The following NRG1 variants were observed in gnomAD, a reference collection of about 807,000 sequenced individuals.
NRG1 encodes the protein pro-neuregulin-1, membrane-bound isoform.
Under a neutral mutation model 63.8 loss-of-function variants are expected in NRG1, and 18 were observed. That is an observed-to-expected ratio of 0.28 (90% CI 0.19 to 0.42). NRG1 has a LOEUF of 0.42. Among genes scored for constraint, NRG1 ranks in the 10% least tolerant of loss-of-function variants. The pLI, the probability that NRG1 is intolerant of heterozygous loss-of-function variation, is 1.00. For missense variants in NRG1, 762 were observed against 814.7 expected, an observed-to-expected ratio of 0.94 and a Z score of 0.79; for synonymous variants, 302 against 301.3, an observed-to-expected ratio of 1.00 and a Z score of -0.02.
chr8:32,209,764 TCCTTCCTTCCTTCTTA>T (rs1398313257), intron 1 of NRG1, among the ~76,000 whole-genome samples: 52 of 143,194 alleles, frequency 3.6e-4, no homozygotes, highest in African/African-American at 1.3e-3. Context: ...CTTCCTTCCT[TCCTTCCTTCCTTCTTA>T]CTTTCTTTCT....
At chr8:32,492,943 A>G (rs147421875) in intron 1 of NRG1, among the ~76,000 whole-genome samples, 1 of 152,308 alleles carries the variant, frequency 6.6e-6, no homozygotes, top group African/African-American at 2.4e-5. Context: ...TTCTGAAACC[A>G]TAGTGTCATA....
At chr8:31,878,362 T>C (rs1006243648) in intron 1 of NRG1, among the ~76,000 whole-genome samples, 1 of 152,194 alleles carries the variant, frequency 6.6e-6, no homozygotes, top group Non-Finnish European at 1.5e-5. Context: ...TCATAGATGA[T>C]GTAACTTATT....
chr8:32,613,323 T>C (rs1447950542), intron 3 of NRG1, among the ~76,000 whole-genome samples: 2 of 152,066 alleles, frequency 1.3e-5, no homozygotes, highest in East Asian at 3.9e-4. Context: ...TTCTTAAACA[T>C]TGCTGCTGAG....
intron 1 of NRG1, among the ~76,000 whole-genome samples, chr8:32,536,601 G>A (rs539623296): frequency 6.6e-6 from 1 of 152,146 alleles, no homozygotes; most frequent in East Asian, 1.9e-4. Flanking sequence ...TGTACCAGGG[G>A]ACAGGAGTCT....
intron 1 of NRG1, among the ~76,000 whole-genome samples, chr8:32,016,759 T>A (rs1245655329): frequency 6.6e-6 from 1 of 152,128 alleles, no homozygotes; most frequent in Non-Finnish European, 1.5e-5. Context: ...AAGGCCCGAT[T>A]CTATGAATAG....
intron 1 of NRG1, among the ~76,000 whole-genome samples, chr8:32,314,864 A>G (rs540749949): frequency 4.6e-5 from 7 of 152,220 alleles, no homozygotes; most frequent in South Asian, 2.1e-4. Flanking sequence ...CAGTTGTTCC[A>G]TCAAACACTG....
chr8:32,122,689 A>G (rs1833611782), intron 1 of NRG1, among the ~76,000 whole-genome samples: 1 of 151,770 alleles, frequency 6.6e-6, no homozygotes, highest in South Asian at 2.1e-4. Flanking sequence ...TTACTTACAT[A>G]TGTATACATG....
At chr8:32,721,985 T>G (rs1330777822) in intron 5 of NRG1, 2 of 1,546,098 alleles carry the variant, frequency 1.3e-6, no homozygotes, top group Non-Finnish European at 1.7e-6. Context: ...TTAACTGGAC[T>G]TCAAAGAGCA....
chr8:32,172,082 T>A (rs1840126383), intron 1 of NRG1, among the ~76,000 whole-genome samples: 1 of 152,278 alleles, frequency 6.6e-6, no homozygotes, highest in East Asian at 1.9e-4. Context: ...GTAGCCTAAC[T>A]GGGAGGCACC....
At chr8:31,920,517 T>G (rs1371083081) in intron 1 of NRG1, among the ~76,000 whole-genome samples, 1 of 152,164 alleles carries the variant, frequency 6.6e-6, no homozygotes, top group East Asian at 1.9e-4. Context: ...GACTCTGATG[T>G]AACCTGGTTT....
chr8:32,473,053 G>C (rs1170086644), intron 1 of NRG1, among the ~76,000 whole-genome samples: 5 of 152,178 alleles, frequency 3.3e-5, no homozygotes, highest in Non-Finnish European at 5.9e-5. Context: ...TGAAGTCTTT[G>C]CTAGAGTTAG....
At chr8:32,166,652 G>T (rs1415904514) in intron 1 of NRG1, among the ~76,000 whole-genome samples, 1 of 152,192 alleles carries the variant, frequency 6.6e-6, no homozygotes, top group African/African-American at 2.4e-5. Flanking sequence ...GACCTCCCCT[G>T]ATGGTAACAG....
intron 1 of NRG1, among the ~76,000 whole-genome samples, chr8:32,335,757 A>G (rs1478038486): frequency 6.6e-6 from 1 of 152,160 alleles, no homozygotes; most frequent in Non-Finnish European, 1.5e-5. Context: ...GGGCCCTGTC[A>G]TAACACTTCC....
chr8:32,646,296 A>G (rs933017560), intron 5 of NRG1, among the ~76,000 whole-genome samples: 1 of 152,192 alleles, frequency 6.6e-6, no homozygotes, highest in Non-Finnish European at 1.5e-5. Flanking sequence ...ACAAAGTCTT[A>G]CATAGTCATT....
chr8:31,807,798 T>G (rs1306783777), intron 1 of NRG1, among the ~76,000 whole-genome samples: 1 of 152,206 alleles, frequency 6.6e-6, no homozygotes, highest in Non-Finnish European at 1.5e-5. Flanking sequence ...TGAATTTGAA[T>G]ATTTTCATAG....
intron 1 of NRG1, among the ~76,000 whole-genome samples, chr8:32,522,854 G>A (rs1418232987): frequency 1.3e-5 from 2 of 149,226 alleles, no homozygotes; most frequent in Non-Finnish European, 3.0e-5. Flanking sequence ...CACCTAGGCT[G>A]GACTGCAGTG....
intron 1 of NRG1, among the ~76,000 whole-genome samples, chr8:32,402,125 C>T (rs1301077929): frequency 6.6e-6 from 1 of 152,170 alleles, no homozygotes; most frequent in East Asian, 1.9e-4. Context: ...GTTGGCCAGG[C>T]TTGTCTCAAA....
intron 1 of NRG1, among the ~76,000 whole-genome samples, chr8:32,550,910 C>G (rs1833979929): frequency 1.3e-5 from 2 of 152,094 alleles, no homozygotes; most frequent in Admixed American, 1.3e-4. Flanking sequence ...AGATTATAAT[C>G]TTTTTTGGGG....
chr8:32,547,617 ACACACACACG>A (rs1177975186), upstream of NRG1, among the ~76,000 whole-genome samples: 2 of 127,004 alleles, frequency 1.6e-5, no homozygotes, highest in Non-Finnish European at 3.4e-5. Flanking sequence ...ACACACACAC[ACACACACACG>A]CACACGGCGC....
Sources: allele counts gnomAD v4.1 joint callset (sites outside exome capture counted in the v4.1 genomes callset), GRCh38; gene constraint gnomAD v4.1.1; transcripts MANE v1.5; gene names NCBI Gene and HGNC (gene_info 2026-07-23, HGNC 2026-07-21).